The following RALYL variants were observed in gnomAD, a reference collection of about 807,000 sequenced individuals.
RALYL encodes the protein RALY RNA binding protein like, also known as RNA-binding Raly-like protein.
In RALYL, 29 loss-of-function variants were observed where a neutral mutation model predicts 35.1. The observed-to-expected ratio is 0.83, with a 90% CI of 0.61 to 1.13. The LOEUF is 1.13. Among genes scored for constraint, RALYL ranks in the 50% most tolerant of loss-of-function variants. The pLI is 0.00. For missense variants in RALYL, 359 were observed against 360.4 expected, an observed-to-expected ratio of 1.00 and a Z score of 0.03; for synonymous variants, 120 against 127.6, an observed-to-expected ratio of 0.94 and a Z score of 0.40.
chr8:84,485,574 G>T (rs1467153064), intron 1 of RALYL, among the ~76,000 whole-genome samples: 1 of 152,042 alleles, frequency 6.6e-6, no homozygotes, highest in Non-Finnish European at 1.5e-5. Context: ...GAACGAGACT[G>T]CCTCAAAACA....
intron 1 of RALYL, among the ~76,000 whole-genome samples, chr8:84,256,770 C>T (rs979931088): frequency 1.4e-4 from 21 of 151,964 alleles, no homozygotes; most frequent in African/African-American, 4.3e-4. Flanking sequence ...GGTACCACAA[C>T]GGTCATGCTC....
intron 1 of RALYL, among the ~76,000 whole-genome samples, chr8:84,190,758 G>A (rs2130863788): frequency 6.6e-6 from 1 of 152,262 alleles, no homozygotes; most frequent in African/African-American, 2.4e-5. Context: ...GGAAATTCAG[G>A]TCTAGAGCTG....
At chr8:84,418,155 C>T (rs915081380) in intron 1 of RALYL, among the ~76,000 whole-genome samples, 1 of 152,242 alleles carries the variant, frequency 6.6e-6, no homozygotes, top group East Asian at 1.9e-4. Context: ...TGACATAGGG[C>T]ATCCTCAAAC....
At position 84,774,660 on chromosome 8, in the gene RALYL, T is replaced by C; in HGVS notation, c.332+6T>C. The C allele has an allele frequency of 6.3e-7, 1 of 1,597,332 alleles. No homozygotes were observed. The highest frequency in any genetic ancestry group is 8.6e-7 in the Non-Finnish European group (1 of 1,168,490). On this transcript the variant is annotated splice_donor_region_variant and intron_variant, in intron 3 of 8. Transcript: ENST00000521268. The stretch of plus-strand genomic sequence containing the variant: ...CCCCTTTCTGCACTTTACAGGTAAG[T>C]AGATAAGCACTGTTTTACTCTATAT...
chr8:84,337,922 A>G (rs540268489), intron 1 of RALYL, among the ~76,000 whole-genome samples: 2 of 152,246 alleles, frequency 1.3e-5, no homozygotes, highest in African/African-American at 4.8e-5. Context: ...CTGGGAGCTT[A>G]AAAAATTCCC....
At chr8:84,714,950 T>A (rs1209646817) in intron 2 of RALYL, among the ~76,000 whole-genome samples, 1 of 149,748 alleles carries the variant, frequency 6.7e-6, no homozygotes, top group Non-Finnish European at 1.5e-5. Context: ...TTAGGATATA[T>A]AAGGTTAAAC....
chr8:84,715,665 T>G (rs1842853606), intron 2 of RALYL, among the ~76,000 whole-genome samples: 1 of 152,066 alleles, frequency 6.6e-6, no homozygotes, highest in South Asian at 2.1e-4. Flanking sequence ...TAAGTGAAGT[T>G]CTCTGCAGTG....
chr8:84,282,139 G>T (rs1345983443), intron 1 of RALYL, among the ~76,000 whole-genome samples: 2 of 151,904 alleles, frequency 1.3e-5, no homozygotes, highest in East Asian at 3.9e-4. Flanking sequence ...AGCTCAAAGA[G>T]ACTTTTCTGT....
chr8:84,533,872 T>C (rs922825573), intron 2 of RALYL, among the ~76,000 whole-genome samples: 4 of 152,290 alleles, frequency 2.6e-5, no homozygotes, highest in African/African-American at 9.6e-5. Context: ...GAGAGAGATA[T>C]AAGAACAAAG....
At chr8:84,229,553 G>T (rs532602017) in intron 1 of RALYL, among the ~76,000 whole-genome samples, 2 of 151,966 alleles carry the variant, frequency 1.3e-5, no homozygotes, top group African/African-American at 2.4e-5. Context: ...CAAAACAGTC[G>T]ACATTAACTT....
intron 1 of RALYL, among the ~76,000 whole-genome samples, chr8:84,228,151 T>C (rs1215991993): frequency 9.2e-5 from 6 of 65,544 alleles, no homozygotes; most frequent in Non-Finnish European, 1.1e-4. Flanking sequence ...AAGAATAGTC[T>C]AGCAAAAAAA....
intron 2 of RALYL, among the ~76,000 whole-genome samples, chr8:84,564,059 G>A (rs2061626180): frequency 6.6e-6 from 1 of 151,526 alleles, no homozygotes; most frequent in African/African-American, 2.4e-5. Flanking sequence ...TAATGACTAA[G>A]TATTATCTTA....
At chr8:84,729,144 A>G (rs571524933) in intron 2 of RALYL, among the ~76,000 whole-genome samples, 27 of 152,040 alleles carry the variant, frequency 1.8e-4, no homozygotes, top group African/African-American at 6.5e-4. Context: ...ATCCTCTTTT[A>G]TTTCATTGAG....
At chr8:84,425,185 TG>T (rs2046230982) in intron 1 of RALYL, among the ~76,000 whole-genome samples, 1 of 152,142 alleles carries the variant, frequency 6.6e-6, no homozygotes. Flanking sequence ...CAGACTGCTG[TG>T]CTAGCAATCA....
At chr8:84,656,908 A>G (rs1422194990) in intron 2 of RALYL, among the ~76,000 whole-genome samples, 1 of 152,174 alleles carries the variant, frequency 6.6e-6, no homozygotes, top group Non-Finnish European at 1.5e-5. Flanking sequence ...TTATAATTTT[A>G]TAGCTGGAAT....
At chr8:84,576,749 A>G (rs1166964376) in intron 2 of RALYL, among the ~76,000 whole-genome samples, 1 of 152,244 alleles carries the variant, frequency 6.6e-6, no homozygotes, top group African/African-American at 2.4e-5. Context: ...AAAATCTGAC[A>G]TATAGTAAGT....
rs113857585 is a variant in RALYL, at chr8:84,764,494, C to T, written c.257-10085C>T. On this transcript the variant is annotated intron_variant, in intron 2 of 8. Transcript: ENST00000521268. ...ACTTCAGTTTCTATTAGGGAAAAAA[C>T]AGTCTAAATCTAAATAAGTCACATA... 1.9e-3 allele frequency among the ~76,000 whole-genome samples: 293 copies of T among 152,064 alleles called. 1 individual carries two copies. Among genetic ancestry groups the T allele is most frequent in the African/African-American group, 6.8e-3 (283 of 41,472 alleles).
chr8:84,806,903 TG>T (rs1586424995), intron 4 of RALYL, among the ~76,000 whole-genome samples: 1 of 152,110 alleles, frequency 6.6e-6, no homozygotes, highest in East Asian at 1.9e-4. Context: ...CCTAGCCACC[TG>T]GGGGGCTGAG....
chr8:84,383,818 G>C (rs1462659558), intron 1 of RALYL, among the ~76,000 whole-genome samples: 1 of 150,742 alleles, frequency 6.6e-6, no homozygotes, highest in East Asian at 2.0e-4. Context: ...TGAAACAAAG[G>C]TGTCAAGTCT....
Sources: allele counts gnomAD v4.1 joint callset (sites outside exome capture counted in the v4.1 genomes callset), GRCh38; gene constraint gnomAD v4.1.1; transcripts MANE v1.5; gene names NCBI Gene and HGNC (gene_info 2026-07-23, HGNC 2026-07-21).